The following ANK3 variants were observed in gnomAD, a reference collection of about 807,000 sequenced individuals.
The protein encoded by ANK3 is ankyrin 3, also known as ankyrin-3.
In ANK3, 57 loss-of-function variants were observed where a neutral mutation model predicts 370.9. The ratio of observed to expected loss-of-function variants is 0.15; its 90% CI spans 0.12 to 0.19. The LOEUF is 0.19. Among genes scored for constraint, ANK3 ranks in the 10% least tolerant of loss-of-function variants. The probability of loss-of-function intolerance (pLI) is 1.00; values close to 1 mark genes in which losing one functional copy is unlikely to be tolerated. For synonymous variants in ANK3, 1,929 were observed against 1,946.3 expected, an observed-to-expected ratio of 0.99 and a Z score of 0.23; for missense variants, 4,439 against 5,302.1, an observed-to-expected ratio of 0.84 and a Z score of 5.06.
At chr10:60,419,894 T>C (rs1167514529) in intron 2 of ANK3, among the ~76,000 whole-genome samples, 1 of 152,174 alleles carries the variant, frequency 6.6e-6, no homozygotes, top group Admixed American at 6.5e-5. Context: ...GCTTTTCTTT[T>C]CTCTACATAT....
At chr10:60,708,664 C>T (rs927351831) in intron 1 of ANK3, among the ~76,000 whole-genome samples, 2 of 152,150 alleles carry the variant, frequency 1.3e-5, no homozygotes, top group Non-Finnish European at 2.9e-5. Context: ...CAGATCCTAA[C>T]CCACCTGAGG....
In ANK3 at chr10:60,489,018, T is replaced by C. The variant is rs549160719; in HGVS notation, c.96+126168A>G. Among the ~76,000 whole-genome samples, 39 of 152,356 alleles carry C rather than the reference T, an allele frequency of 2.6e-4. No homozygotes were observed. The South Asian group carries it at 4.8e-3, about 19-fold the overall frequency. The stretch of plus-strand genomic sequence containing the variant: ...TACTTTTATTCAGATAAAATACATT[T>C]AATTTTTTTTCTAGGCAAAATTATA... On this transcript the variant is annotated intron_variant, in intron 2 of 43. Transcript: ENST00000373827.
chr10:60,455,870 C>T (rs913237712), intron 2 of ANK3, among the ~76,000 whole-genome samples: 1 of 152,206 alleles, frequency 6.6e-6, no homozygotes, highest in Non-Finnish European at 1.5e-5. Flanking sequence ...TCAAGAGTCA[C>T]TCCCCTTGGG....
At position 60,695,724 on chromosome 10, in the gene ANK3, C is replaced by A. The variant is rs962862052; in HGVS notation, c.57+37539G>T. Among the ~76,000 whole-genome samples the A allele has an allele frequency of 2.0e-5, 3 of 152,162 alleles. No homozygotes were observed. The South Asian group carries it at 6.2e-4, about 31-fold the overall frequency. On this transcript the variant is annotated intron_variant, in intron 1 of 43. Coordinates refer to the ANK3 transcript ENST00000373827. Reference sequence around the variant, plus strand: ...CCAATGAGAACAAAGACACAACATACCAGAATCTCTGGGATGCATTCAAAG... The same window carrying A: ...CCAATGAGAACAAAGACACAACATAACAGAATCTCTGGGATGCATTCAAAG...
At chr10:60,249,846 T>C (rs2097621517) in intron 7 of ANK3, among the ~76,000 whole-genome samples, 1 of 152,104 alleles carries the variant, frequency 6.6e-6, no homozygotes, top group Non-Finnish European at 1.5e-5. Context: ...CAACCCAGCA[T>C]GCCCCACCAG....
chr10:60,183,281 C>A (rs892068006), intron 17 of ANK3, among the ~76,000 whole-genome samples: 1 of 152,130 alleles, frequency 6.6e-6, no homozygotes, highest in African/African-American at 2.4e-5. Context: ...TTCCTCAAAC[C>A]ACTGTGAGCT....
intron 1 of ANK3, among the ~76,000 whole-genome samples, chr10:60,627,541 T>C (rs942265673): frequency 2.6e-5 from 4 of 152,170 alleles, no homozygotes; most frequent in Non-Finnish European, 4.4e-5. Context: ...AATCTTGGTA[T>C]ACAGTATAAA....
intron 2 of ANK3, among the ~76,000 whole-genome samples, chr10:60,469,008 T>TATAC (rs1219358803): frequency 9.0e-6 from 1 of 110,830 alleles, no homozygotes; most frequent in African/African-American, 3.1e-5. Context: ...TATATATATA[T>TATAC]ATATATATAT....
At chr10:60,509,224 G>A (rs1248037788) in intron 2 of ANK3, among the ~76,000 whole-genome samples, 1 of 152,002 alleles carries the variant, frequency 6.6e-6, no homozygotes, top group Non-Finnish European at 1.5e-5. Context: ...ATGCAAAATA[G>A]TGAAGCACCA....
chr10:60,393,737 G>C (rs917886552), upstream of ANK3, among the ~76,000 whole-genome samples: 1 of 152,072 alleles, frequency 6.6e-6, no homozygotes, highest in Non-Finnish European at 1.5e-5. Flanking sequence ...GTCATTTCAT[G>C]TTGTGTGTCT....
chr10:60,234,699 C>T lies in ANK3; in HGVS notation c.886G>A (p.Ala296Thr). 1 of 1,611,694 alleles carries T rather than the reference C, an allele frequency of 6.2e-7. No homozygotes were observed. Among genetic ancestry groups the T allele is most frequent in the Non-Finnish European group, 8.5e-7 (1 of 1,178,096 alleles). The change falls in exon 8 of 44, where the codon GCC becomes ACC. Residue 296 changes from alanine (A) to threonine (T), a missense_variant. Around this residue, in one of 13 missense-constraint regions of ANK3, gnomAD observed 227 missense variants for 377.6 expected, o/e 0.60. Transcript: ENST00000280772. ...LLLDRGAKID[A>T]KTRDGLTPLH... The stretch of plus-strand genomic sequence containing the variant: ...AGTTGCACACTTACCCTGGTTTTGG[C>T]ATCGATTTTAGCTCCTCGATCGAGC...
chr10:60,690,848 G>A (rs1419451241), intron 1 of ANK3, among the ~76,000 whole-genome samples: 1 of 151,968 alleles, frequency 6.6e-6, no homozygotes, highest in Non-Finnish European at 1.5e-5. Flanking sequence ...CTACAGCATC[G>A]ATAGGAGCTG....
intron 2 of ANK3, among the ~76,000 whole-genome samples, chr10:60,434,558 C>T (rs566211751): frequency 8.5e-5 from 13 of 152,146 alleles, no homozygotes; most frequent in African/African-American, 3.1e-4. Context: ...ATATAGAGAG[C>T]CTTAAATTCT....
At chr10:60,181,588 G>C (rs1165723238) in intron 17 of ANK3, among the ~76,000 whole-genome samples, 161 bp from the exon 18 acceptor site, 2 of 152,182 alleles carry the variant, frequency 1.3e-5, no homozygotes, top group Admixed American at 1.3e-4. Flanking sequence ...GCTGAGGCAG[G>C]TGGATCACAT....
At chr10:60,286,639 C>G (rs1449783177) in intron 1 of ANK3, among the ~76,000 whole-genome samples, 1 of 152,146 alleles carries the variant, frequency 6.6e-6, no homozygotes, top group African/African-American at 2.4e-5. Context: ...GCTTATTCAG[C>G]TTTACTAGTT....
Position 60,092,892 on chromosome 10 carries a change from C to T in ANK3, c.3329-4534G>A, listed in dbSNP as rs535159357. 7.2e-5 allele frequency among the ~76,000 whole-genome samples: 11 copies of T among 152,238 alleles called. No individual in the cohort carries two copies. In the South Asian group the frequency reaches 1.9e-3, roughly 26 times the overall value. ...CTGTGATTACAGGCGTGTGCCACCA[C>T]GCCCAGCTAATTTTTGTATTTTTAG... On this transcript the variant is annotated intron_variant, in intron 28 of 43. Transcript: ENST00000280772.
Position 60,615,095 on chromosome 10 carries a change from T to G in ANK3, c.96+91A>C, listed in dbSNP as rs1398589862. 12 of 818,816 alleles carry G rather than the reference T, an allele frequency of 1.5e-5. No individual in the cohort carries two copies. In the East Asian group the frequency reaches 1.9e-4, roughly 13 times the overall value. The allele number at this position is 818,816 out of a possible 1,614,324, so 50.7% of individuals were successfully genotyped here. A position where few individuals can be genotyped will look rare whatever the true frequency, so the allele number is the denominator to read the frequency against. On this transcript the variant is annotated intron_variant, in intron 2 of 43. Transcript: ENST00000373827. ...GTTTAAAAGGACCATCTCCTGTAAA[T>G]AATTCATTCAACTCTATGTTTATAA...
At chr10:60,466,457 A>G (rs2065013966) in intron 2 of ANK3, among the ~76,000 whole-genome samples, 2 of 152,194 alleles carry the variant, frequency 1.3e-5, no homozygotes, top group African/African-American at 4.8e-5. Context: ...ATGATATAAG[A>G]AGCCTCATAC....
chr10:60,645,254 T>G (rs2078695128), intron 1 of ANK3, among the ~76,000 whole-genome samples: 2 of 152,176 alleles, frequency 1.3e-5, no homozygotes, highest in Non-Finnish European at 2.9e-5. Context: ...GTGCAAACAT[T>G]CTATTAAAAA....
Sources: allele counts gnomAD v4.1 joint callset (sites outside exome capture counted in the v4.1 genomes callset), GRCh38; gene constraint gnomAD v4.1.1; regional missense constraint gnomAD v4.1.1; transcripts MANE v1.5; gene names NCBI Gene and HGNC (gene_info 2026-07-23, HGNC 2026-07-21).